The following KIAA1217 variants were observed in gnomAD, a reference collection of about 807,000 sequenced individuals.
KIAA1217 encodes the protein sickle tail protein homolog.
Under a neutral mutation model 163.9 loss-of-function variants are expected in KIAA1217, and 88 were observed. That is an observed-to-expected ratio of 0.54 (90% confidence interval 0.45 to 0.64). The LOEUF (loss-of-function observed/expected upper bound fraction) is 0.64, where lower values mean the gene tolerates loss of function less well. Ranked by LOEUF, KIAA1217 falls within the 30% of genes least tolerant of loss-of-function variation. The probability of loss-of-function intolerance (pLI) is 0.00; values close to 1 mark genes in which losing one functional copy is unlikely to be tolerated. For missense variants in KIAA1217, 2,372 were observed against 2,475.0 expected, an observed-to-expected ratio of 0.96 and a Z score of 0.88; for synonymous variants, 903 against 923.1, an observed-to-expected ratio of 0.98 and a Z score of 0.39.
At chr10:23,986,660 T>A (rs1227893215) in intron 1 of KIAA1217, among the ~76,000 whole-genome samples, 1 of 152,216 alleles carries the variant, frequency 6.6e-6, no homozygotes, top group East Asian at 1.9e-4. Context: ...AGGCCAACTC[T>A]ATGTCATGTC....
intron 2 of KIAA1217, among the ~76,000 whole-genome samples, chr10:24,248,669 T>C (rs748453702): frequency 1.2e-4 from 3 of 24,284 alleles, no homozygotes; most frequent in East Asian, 2.4e-3. Flanking sequence ...AGACTCCATC[T>C]CAAAAAAAAA....
intron 2 of KIAA1217, among the ~76,000 whole-genome samples, chr10:24,152,444 G>A (rs1196947555): frequency 2.6e-5 from 4 of 152,088 alleles, no homozygotes; most frequent in Admixed American, 2.6e-4. Context: ...TAAAATATTT[G>A]TCATGTGTCC....
intron 1 of KIAA1217, among the ~76,000 whole-genome samples, chr10:23,949,230 A>T (rs551608164): frequency 6.4e-4 from 97 of 152,320 alleles, no homozygotes; most frequent in Admixed American, 1.9e-3. Context: ...GACAAAAAAT[A>T]CCTGGGAAAT....
intron 2 of KIAA1217, among the ~76,000 whole-genome samples, chr10:24,332,064 G>A (rs546990033): frequency 6.6e-6 from 1 of 152,242 alleles, no homozygotes; most frequent in Admixed American, 6.5e-5. Flanking sequence ...GCCTCCCAAA[G>A]TGCTAGGATT....
At chr10:24,241,742 G>C (rs1187058353) in intron 2 of KIAA1217, among the ~76,000 whole-genome samples, 1 of 152,182 alleles carries the variant, frequency 6.6e-6, no homozygotes, top group Admixed American at 6.5e-5. Context: ...TTGTATGTAA[G>C]AGACAAATAT....
At chr10:23,995,354 T>C (rs1018927770) in intron 1 of KIAA1217, among the ~76,000 whole-genome samples, 1 of 152,138 alleles carries the variant, frequency 6.6e-6, no homozygotes, top group African/African-American at 2.4e-5. Context: ...AACCACTGCT[T>C]AGGAAACCTG....
intron 2 of KIAA1217, among the ~76,000 whole-genome samples, chr10:24,069,846 T>C (rs927088287): frequency 2.6e-5 from 4 of 152,218 alleles, no homozygotes; most frequent in South Asian, 2.1e-4. Flanking sequence ...TTTTTTTCTT[T>C]TCTCTTTTTG....
intron 5 of KIAA1217, among the ~76,000 whole-genome samples, chr10:24,444,649 A>G (rs949351876): frequency 3.3e-5 from 5 of 152,206 alleles, no homozygotes; most frequent in Admixed American, 2.0e-4. Flanking sequence ...TACAAATGCC[A>G]TATTATTCAT....
chr10:23,841,827 C>CTTTATTTTATTTTATTTTAT (rs376133012), intron 1 of KIAA1217, among the ~76,000 whole-genome samples: 45 of 133,568 alleles, frequency 3.4e-4, no homozygotes, highest in African/African-American at 1.2e-3. Flanking sequence ...ACCATTGGGA[C>CTTTATTTTATTTTATTTTAT]TTTATTTTAT....
chr10:23,976,751 G>C (rs190016331), intron 1 of KIAA1217, among the ~76,000 whole-genome samples: 37 of 152,296 alleles, frequency 2.4e-4, no homozygotes, highest in African/African-American at 8.7e-4. Flanking sequence ...TCTGCTGATA[G>C]GCAGGTGGGA....
At chr10:24,506,668 G>A (rs1407427956) in intron 9 of KIAA1217, among the ~76,000 whole-genome samples, 1 of 152,152 alleles carries the variant, frequency 6.6e-6, no homozygotes, top group East Asian at 1.9e-4. Flanking sequence ...AAACAACACA[G>A]GACCGTAATC....
At chr10:24,504,457 G>T (rs1368760549) in intron 9 of KIAA1217, among the ~76,000 whole-genome samples, 2 of 152,112 alleles carry the variant, frequency 1.3e-5, no homozygotes, top group South Asian at 2.1e-4. Context: ...TTTCAATCGA[G>T]GGAGTCTACT....
At chr10:24,430,793 G>A (rs774904040) in intron 3 of KIAA1217, among the ~76,000 whole-genome samples, 1 of 152,192 alleles carries the variant, frequency 6.6e-6, no homozygotes, top group Non-Finnish European at 1.5e-5. Flanking sequence ...ACAGTGATTC[G>A]AGCAATGGGG....
At chr10:24,202,898 A>G (rs1322179963) in intron 2 of KIAA1217, among the ~76,000 whole-genome samples, 1 of 152,208 alleles carries the variant, frequency 6.6e-6, no homozygotes, top group African/African-American at 2.4e-5. Context: ...TTTAGAAAAT[A>G]GGTATACCGG....
chr10:23,722,348 A>T (rs908276599), intron 1 of KIAA1217, among the ~76,000 whole-genome samples: 1 of 152,176 alleles, frequency 6.6e-6, no homozygotes, highest in Admixed American at 6.6e-5. Context: ...ACAGTTAAAA[A>T]TGGTTAAGAT....
chr10:24,281,853 C>T (rs116371313), intron 2 of KIAA1217, among the ~76,000 whole-genome samples: 2,454 of 152,110 alleles, frequency 0.016, 59 homozygotes, highest in African/African-American at 0.056. Flanking sequence ...GAGGTCAGAT[C>T]GAGACCAGCA....
At chr10:24,484,696 G>A (rs1309946717) in intron 6 of KIAA1217, among the ~76,000 whole-genome samples, 2 of 152,056 alleles carry the variant, frequency 1.3e-5, no homozygotes, top group Non-Finnish European at 2.9e-5. Context: ...CAAAATTTGG[G>A]GATTACAAGT....
At chr10:24,207,491 G>T (rs1438082162), upstream of KIAA1217, among the ~76,000 whole-genome samples, 1 of 152,160 alleles carries the variant, frequency 6.6e-6, no homozygotes, top group Non-Finnish European at 1.5e-5. Context: ...AGATTCATCT[G>T]GCCTTTGCCC....
At position 23,801,883 on chromosome 10, in the gene KIAA1217, C is replaced by A. The variant is rs143459092; in HGVS notation, c.-321+106649C>A. Among the ~76,000 whole-genome samples, 670 of 152,276 alleles carry A rather than the reference C, an allele frequency of 4.4e-3. 7 individuals carry two copies. The highest frequency in any genetic ancestry group is 0.015 in the African/African-American group (615 of 41,554). On this transcript the variant is annotated intron_variant, in intron 1 of 18. Transcript: ENST00000376462. ...AAGCTTTTTGACAACGTGATTAAAACCATTAAGCTCTCTCTCCAGAAGAAT... is the reference window on the plus strand; with the variant it reads ...AAGCTTTTTGACAACGTGATTAAAAACATTAAGCTCTCTCTCCAGAAGAAT...
Sources: gnomAD v4.1 joint callset for allele counts (sites outside exome capture counted in the v4.1 genomes callset) on GRCh38, gnomAD v4.1.1 for gene constraint, MANE v1.5 for transcripts, NCBI Gene and HGNC (gene_info 2026-07-23, HGNC 2026-07-21) for gene names.